The following TBC1D5 variants were observed in gnomAD, a reference collection of about 807,000 sequenced individuals.
TBC1D5 encodes the protein TBC1 domain family, member 5.
A neutral mutation model predicts 100.3 loss-of-function variants in TBC1D5; 75 were observed. That is an observed-to-expected ratio of 0.75 (90% CI 0.62 to 0.91). TBC1D5 has a LOEUF of 0.91. Ranked by LOEUF, TBC1D5 falls within the 40% of genes least tolerant of loss-of-function variation. TBC1D5 has a pLI of 0.00. For missense variants in TBC1D5, 910 were observed against 942.4 expected (o/e 0.97, Z 0.45); for synonymous variants, 323 against 325.6 (o/e 0.99, Z 0.09).
chr3:17,351,702 A>G (rs1414318559), intron 13 of TBC1D5, among the ~76,000 whole-genome samples: 2 of 152,008 alleles, frequency 1.3e-5, no homozygotes, highest in African/African-American at 4.8e-5. Context: ...CGTTCTGCAC[A>G]TTTATCCCAC....
At chr3:17,706,124 G>A in intron 1 of TBC1D5, 1 of 1,605,350 alleles carries the variant, frequency 6.2e-7, no homozygotes, top group African/African-American at 1.3e-5. Flanking sequence ...AGTCCAGCAA[G>A]TCGGGCTTGA....
chr3:17,668,054 ATGATT>A (rs1302078075), intron 1 of TBC1D5, among the ~76,000 whole-genome samples: 1 of 151,106 alleles, frequency 6.6e-6, no homozygotes, highest in African/African-American at 2.4e-5. Flanking sequence ...CATTCTACAT[ATGATT>A]TAATTCTCCC....
In TBC1D5 at chr3:17,409,059, C is replaced by T. The variant is rs544526195; in HGVS notation, c.168-2533G>A. Among the ~76,000 whole-genome samples, 346 of 152,252 alleles carry T rather than the reference C, an allele frequency of 2.3e-3. 2 individuals carry two copies. The highest frequency in any genetic ancestry group is 4.3e-3 in the Non-Finnish European group (293 of 68,006). On this transcript the variant is annotated intron_variant, in intron 4 of 21. Transcript: ENST00000253692. Reference sequence around the variant, plus strand: ...GATGAGATTAGCAATCAGTACATTACAGGAGTAGAGGCATACCTCATTTTA... The same window carrying T: ...GATGAGATTAGCAATCAGTACATTATAGGAGTAGAGGCATACCTCATTTTA...
At chr3:17,527,479 G>A (rs916767360) in intron 2 of TBC1D5, among the ~76,000 whole-genome samples, 7 of 152,110 alleles carry the variant, frequency 4.6e-5, no homozygotes, top group Admixed American at 3.3e-4. Context: ...AAGCCATTGG[G>A]AGCTTTTGAG....
intron 14 of TBC1D5, among the ~76,000 whole-genome samples, chr3:17,306,147 T>G (rs1427933682): frequency 2.0e-5 from 3 of 152,188 alleles, no homozygotes; most frequent in Non-Finnish European, 4.4e-5. Flanking sequence ...CCTTCTGTCT[T>G]GTATGCAGAT....
intron 2 of TBC1D5, among the ~76,000 whole-genome samples, chr3:17,530,230 C>G (rs552205779): frequency 7.5e-6 from 1 of 132,974 alleles, no homozygotes; most frequent in Non-Finnish European, 1.5e-5. Context: ...GGCGACAGAG[C>G]GAGACTTCGT....
intron 1 of TBC1D5, among the ~76,000 whole-genome samples, chr3:17,660,911 G>C (rs950327754): frequency 3.9e-5 from 6 of 152,146 alleles, no homozygotes; most frequent in African/African-American, 1.4e-4. Context: ...CCTGGAAATA[G>C]CTTTAATAAA....
At chr3:17,694,854 C>T (rs1286085746) in intron 1 of TBC1D5, among the ~76,000 whole-genome samples, 3 of 152,136 alleles carry the variant, frequency 2.0e-5, no homozygotes, top group Non-Finnish European at 4.4e-5. Flanking sequence ...AGAGAAAGGT[C>T]GAGTTACCCA....
intron 13 of TBC1D5, among the ~76,000 whole-genome samples, chr3:17,327,219 A>T (rs2086260012): frequency 6.6e-6 from 1 of 152,200 alleles, no homozygotes; most frequent in African/African-American, 2.4e-5. Flanking sequence ...TGCTAGTGGA[A>T]ATTTACTTCT....
chr3:17,642,419 T>C (rs897650724), intron 1 of TBC1D5, among the ~76,000 whole-genome samples: 1 of 152,076 alleles, frequency 6.6e-6, no homozygotes, highest in Non-Finnish European at 1.5e-5. Context: ...AAAAAGGAGA[T>C]TGAGAAAGAC....
intron 4 of TBC1D5, among the ~76,000 whole-genome samples, chr3:17,410,297 A>G (rs2093888401): frequency 6.6e-6 from 1 of 152,156 alleles, no homozygotes; most frequent in Non-Finnish European, 1.5e-5. Flanking sequence ...TGCTCAGGAA[A>G]AAAGATTCCT....
intron 4 of TBC1D5, among the ~76,000 whole-genome samples, chr3:17,417,491 T>C (rs1374305125): frequency 2.0e-5 from 3 of 152,066 alleles, no homozygotes; most frequent in African/African-American, 7.2e-5. Context: ...TGATTGCCAA[T>C]TTCATCCATG....
intron 3 of TBC1D5, among the ~76,000 whole-genome samples, chr3:17,433,941 T>C (rs1271550436): frequency 6.6e-6 from 1 of 152,076 alleles, no homozygotes; most frequent in Non-Finnish European, 1.5e-5. Context: ...AGGCAGTAAT[T>C]AAACTGTAAA....
At chr3:17,301,022 T>A in intron 14 of TBC1D5, among the ~76,000 whole-genome samples, 1 of 141,904 alleles carries the variant, frequency 7.0e-6, no homozygotes, top group East Asian at 2.1e-4. Context: ...GTGAGCCAGA[T>A]GGCACCACTG....
chr3:17,429,842 G>A (rs559830666), intron 3 of TBC1D5, among the ~76,000 whole-genome samples: 1 of 151,800 alleles, frequency 6.6e-6, no homozygotes, highest in African/African-American at 2.4e-5. Context: ...CTGTGCCAGT[G>A]TTCAGGAGAA....
rs541504872 is a variant in TBC1D5 at position 17,266,622 on chromosome 3, T to C, written c.1246-8031A>G. Among the ~76,000 whole-genome samples, 93 of 152,242 alleles carry C rather than the reference T, an allele frequency of 6.1e-4. No individual in the cohort carries two copies. In the South Asian group the frequency reaches 0.018, roughly 29 times the overall value. On this transcript the variant is annotated intron_variant, in intron 15 of 21. Coordinates refer to ENST00000253692, the Ensembl canonical transcript of TBC1D5. The stretch of plus-strand genomic sequence containing the variant: ...GGAAAATAAAACCTAGTTTTTGTTT[T>C]AAATAATACACAAAATTCAAAATGT...
rs1159451232 is a variant in TBC1D5 at position 17,475,176 on chromosome 3, C to CA, written c.97+33297_97+33298insT. Among the ~76,000 whole-genome samples, 420 of 150,914 alleles carry CA rather than the reference C, an allele frequency of 2.8e-3. 4 individuals are homozygous for CA. Among genetic ancestry groups the CA allele is most frequent in the African/African-American group, 9.7e-3 (396 of 40,806 alleles). Reference sequence around the variant, plus strand: ...AGAGTATCCGGTGGTTCTACCTTGCCCCGCCCCACCCGTTTATATATTCCC... The same window carrying CA: ...AGAGTATCCGGTGGTTCTACCTTGCCACCGCCCCACCCGTTTATATATTCCC... On this transcript the variant is annotated intron_variant, in intron 3 of 21. Coordinates refer to ENST00000253692, the Ensembl canonical transcript of TBC1D5.
chr3:17,383,364 T>C (rs2093026389), intron 9 of TBC1D5, among the ~76,000 whole-genome samples: 1 of 151,858 alleles, frequency 6.6e-6, no homozygotes. Flanking sequence ...TATCTGTATA[T>C]ATTAAATAAT....
At chr3:17,669,242 T>C (rs2067646466) in intron 1 of TBC1D5, among the ~76,000 whole-genome samples, 1 of 152,134 alleles carries the variant, frequency 6.6e-6, no homozygotes, top group Non-Finnish European at 1.5e-5. Flanking sequence ...CCTTCCACCA[T>C]GATTGTAAGT....
Sources: gnomAD v4.1 joint callset for allele counts (sites outside exome capture counted in the v4.1 genomes callset) on GRCh38, gnomAD v4.1.1 for gene constraint, MANE v1.5 for transcripts, NCBI Gene and HGNC (gene_info 2026-07-23, HGNC 2026-07-21) for gene names.